PEBP4: variants seen among roughly 807,000 people sequenced by gnomAD.
PEBP4 encodes the protein phosphatidylethanolamine-binding protein 4.
Under a neutral mutation model 23.9 loss-of-function variants are expected in PEBP4, and 22 were observed. That is an observed-to-expected ratio of 0.92 (90% CI 0.66 to 1.31). The LOEUF is 1.31. Among genes scored for constraint, PEBP4 ranks in the 40% most tolerant of loss-of-function variants. PEBP4 has a pLI of 0.00. For synonymous variants in PEBP4, 112 were observed against 99.3 expected, an observed-to-expected ratio of 1.13 and a Z score of -0.76; for missense variants, 324 against 281.7, an observed-to-expected ratio of 1.15 and a Z score of -1.07.
At chr8:22,867,873 G>A (rs926602459) in intron 3 of PEBP4, among the ~76,000 whole-genome samples, 1 of 152,232 alleles carries the variant, frequency 6.6e-6, no homozygotes, top group African/African-American at 2.4e-5. Flanking sequence ...CATCTGGCAT[G>A]TTAACCCTGG....
At chr8:22,825,160 C>T (rs576307422) in intron 3 of PEBP4, among the ~76,000 whole-genome samples, 1 of 152,326 alleles carries the variant, frequency 6.6e-6, no homozygotes, top group East Asian at 1.9e-4. Flanking sequence ...AAATGTTTGG[C>T]AGATGTGGCA....
At chr8:22,793,705 T>C (rs1806186574) in intron 4 of PEBP4, among the ~76,000 whole-genome samples, 1 of 152,220 alleles carries the variant, frequency 6.6e-6, no homozygotes, top group African/African-American at 2.4e-5. Flanking sequence ...GATGAATTTT[T>C]GCTCACATCC....
chr8:22,876,389 C>A (rs762202801), intron 3 of PEBP4, among the ~76,000 whole-genome samples: 31 of 147,412 alleles, frequency 2.1e-4, no homozygotes, highest in Non-Finnish European at 4.5e-4. Flanking sequence ...TAACAGCATC[C>A]AGTGTGTGTT....
intron 4 of PEBP4, among the ~76,000 whole-genome samples, chr8:22,799,718 G>A (rs369768629): frequency 6.6e-6 from 1 of 150,840 alleles, no homozygotes; most frequent in South Asian, 2.1e-4. Flanking sequence ...CCAATCCCAC[G>A]ACAGGCCCTG....
intron 6 of PEBP4, among the ~76,000 whole-genome samples, chr8:22,716,895 C>G (rs537032453): frequency 6.6e-6 from 1 of 152,348 alleles, no homozygotes; most frequent in East Asian, 1.9e-4. Context: ...GCGGAGCTGC[C>G]TTATTTTACC....
intron 1 of PEBP4, among the ~76,000 whole-genome samples, chr8:22,939,493 G>A (rs1809581636): frequency 6.6e-6 from 1 of 152,088 alleles, no homozygotes; most frequent in African/African-American, 2.4e-5. Context: ...GTTTAAAATA[G>A]TTAAGAACAA....
chr8:22,741,871 A>C (rs927752386), intron 4 of PEBP4, among the ~76,000 whole-genome samples: 1 of 152,170 alleles, frequency 6.6e-6, no homozygotes, highest in Admixed American at 6.5e-5. Context: ...AACCATGACA[A>C]GGGCCCAGCT....
chr8:22,853,173 TTTTA>T (rs1211582915), intron 3 of PEBP4, among the ~76,000 whole-genome samples: 2 of 152,234 alleles, frequency 1.3e-5, no homozygotes, highest in Non-Finnish European at 2.9e-5. Flanking sequence ...TGACCAAGAA[TTTTA>T]TTAGTCAATA....
Position 22,727,788 on chromosome 8 carries a change from C to T in PEBP4, c.358-568G>A, listed in dbSNP as rs544175376. On this transcript the variant is annotated intron_variant, in intron 4 of 6. Coordinates refer to ENST00000256404, the MANE Select transcript of PEBP4 (RefSeq NM_144962.3). ...GATTCTGTGGCAGCTTCTCCCCACC[C>T]TCAGTTAACTCAGCCCACAACCCTG... Among the ~76,000 whole-genome samples, 15 of 152,302 alleles carry T rather than the reference C, an allele frequency of 9.8e-5. No homozygotes were observed. In the East Asian group the frequency reaches 2.9e-3, roughly 29 times the overall value.
At chr8:22,934,269 G>A (rs946599492) in intron 1 of PEBP4, among the ~76,000 whole-genome samples, 1 of 152,154 alleles carries the variant, frequency 6.6e-6, no homozygotes, top group Non-Finnish European at 1.5e-5. Flanking sequence ...TTGTTAGTGG[G>A]TATATAATAA....
intron 3 of PEBP4, among the ~76,000 whole-genome samples, chr8:22,850,400 C>T (rs1269289910): frequency 6.6e-6 from 1 of 152,148 alleles, no homozygotes; most frequent in Non-Finnish European, 1.5e-5. Context: ...AGGAACAAAG[C>T]CAGGGGCTTC....
intron 1 of PEBP4, among the ~76,000 whole-genome samples, chr8:22,937,958 T>C (rs1365523430): frequency 3.3e-5 from 5 of 152,170 alleles, no homozygotes; most frequent in Admixed American, 3.3e-4. Context: ...GATCTAAATG[T>C]AAGAGCTGAA....
intron 1 of PEBP4, among the ~76,000 whole-genome samples, chr8:22,936,725 T>G (rs6998616): frequency 0.019 from 2,937 of 152,254 alleles, 104 homozygotes; most frequent in African/African-American, 0.067. Flanking sequence ...GCATAGATAA[T>G]TCAACAGTAC....
chr8:22,908,456 A>G (rs77111613), intron 3 of PEBP4, among the ~76,000 whole-genome samples: 22,355 of 152,090 alleles, frequency 0.15, 1,843 homozygotes, highest in Middle Eastern at 0.2. Context: ...CTGATGGGTC[A>G]AGAAAGATTA....
chr8:22,765,335 G>A (rs1457803946), intron 4 of PEBP4, among the ~76,000 whole-genome samples: 3 of 152,062 alleles, frequency 2.0e-5, no homozygotes, highest in Admixed American at 6.6e-5. Flanking sequence ...GTAGAGATGG[G>A]GTTTCACCAT....
At chr8:22,914,631 C>T (rs1274737956) in intron 3 of PEBP4, among the ~76,000 whole-genome samples, 2 of 152,116 alleles carry the variant, frequency 1.3e-5, no homozygotes. Flanking sequence ...AGAGCCTACC[C>T]GCAGGTAAAC....
chr8:22,921,905 G>C (rs563767466), intron 2 of PEBP4, among the ~76,000 whole-genome samples: 2 of 152,350 alleles, frequency 1.3e-5, no homozygotes, highest in South Asian at 4.1e-4. Context: ...CAGAGAGACA[G>C]ACAGCAAACA....
chr8:22,770,243 A>G (rs1433597440), intron 4 of PEBP4, among the ~76,000 whole-genome samples: 1 of 152,218 alleles, frequency 6.6e-6, no homozygotes, highest in Non-Finnish European at 1.5e-5. Flanking sequence ...GTGGGCAGAC[A>G]GCAAGGAGCA....
chr8:22,885,364 C>T (rs1808351949), intron 3 of PEBP4: 1 of 152,114 alleles, frequency 6.6e-6, no homozygotes, highest in South Asian at 2.1e-4. Flanking sequence ...CAGGGCTGAC[C>T]CAGAATTCAA....
Sources: allele counts gnomAD v4.1 joint callset (sites outside exome capture counted in the v4.1 genomes callset), GRCh38; gene constraint gnomAD v4.1.1; transcripts MANE v1.5; gene names NCBI Gene and HGNC (gene_info 2026-07-23, HGNC 2026-07-21).